Variants in CCNY observed in about 807,000 individuals in gnomAD.
CCNY encodes cyclin-Y.
Under a neutral mutation model 42.8 loss-of-function variants are expected in CCNY, and 19 were observed. That is an observed-to-expected ratio of 0.44 (90% CI 0.31 to 0.65). The LOEUF (loss-of-function observed/expected upper bound fraction) is 0.65, where lower values mean the gene tolerates loss of function less well. Among genes scored for constraint, CCNY ranks in the 30% least tolerant of loss-of-function variants. CCNY has a pLI of 0.07. For missense variants in CCNY, 370 were observed against 437.3 expected (o/e 0.85, Z 1.37); for synonymous variants, 165 against 162.7 (o/e 1.01, Z -0.11).
chr10:35,540,096 A>G (rs1358006929), intron 7 of CCNY, among the ~76,000 whole-genome samples: 2 of 152,182 alleles, frequency 1.3e-5, no homozygotes, highest in African/African-American at 4.8e-5. Context: ...TAGTACCTCT[A>G]GTAAAGTGTT....
chr10:35,337,176 G>A lies in CCNY; in HGVS notation c.123G>A (p.Leu41=). ...DLSREDTGCN[L]QHISDRENID... ...GCCGCGAGGACACGGGCTGCAACCT[G>A]CAGCACATCAGCGACCGGGAGAACA... Residue 41 remains leucine (L), a synonymous_variant, in exon 1 of 10, where the codon CTG becomes CTA. Transcript: ENST00000374704. 2 of 1,570,650 alleles carry A rather than the reference G, an allele frequency of 1.3e-6. No individual in the cohort carries two copies. The highest frequency in any genetic ancestry group is 1.7e-6 in the Non-Finnish European group (2 of 1,160,308).
intron 2 of CCNY, among the ~76,000 whole-genome samples, chr10:35,486,189 CCTCTT>C (rs1322735845): frequency 6.6e-6 from 1 of 152,198 alleles, no homozygotes; most frequent in Non-Finnish European, 1.5e-5. Flanking sequence ...CGTAGACTCT[CCTCTT>C]CTCACAGGTG....
At chr10:35,302,264 T>C (rs568732725) in intron 3 of CCNY, among the ~76,000 whole-genome samples, 1 of 151,750 alleles carries the variant, frequency 6.6e-6, no homozygotes, top group South Asian at 2.1e-4. Flanking sequence ...CCCATCCTCA[T>C]TGCTATTTTT....
intron 1 of CCNY, among the ~76,000 whole-genome samples, chr10:35,367,640 A>G (rs1836837524): frequency 6.6e-6 from 1 of 152,222 alleles, no homozygotes; most frequent in Non-Finnish European, 1.5e-5. Flanking sequence ...CCGCCATAGA[A>G]GTCACTTTGT....
chr10:35,560,586 C>T (rs1398168846), intron 8 of CCNY, among the ~76,000 whole-genome samples: 3 of 152,102 alleles, frequency 2.0e-5, no homozygotes, highest in African/African-American at 7.2e-5. Context: ...GGAAAAAATT[C>T]CCGTTGTTTA....
chr10:35,341,086 A>G (rs1769128838), intron 1 of CCNY, among the ~76,000 whole-genome samples: 1 of 152,188 alleles, frequency 6.6e-6, no homozygotes. Context: ...TCCTTCACTC[A>G]AAAACGGCAG....
intron 1 of CCNY, among the ~76,000 whole-genome samples, chr10:35,401,407 C>T (rs1197811063): frequency 5.3e-5 from 8 of 152,242 alleles, no homozygotes; most frequent in South Asian, 2.1e-4. Context: ...AACACTTTGC[C>T]GTCCAGTTCT....
At chr10:35,400,039 G>C (rs1837610350) in intron 1 of CCNY, among the ~76,000 whole-genome samples, 1 of 151,816 alleles carries the variant, frequency 6.6e-6, no homozygotes, top group Non-Finnish European at 1.5e-5. Flanking sequence ...CTCAGAGAAG[G>C]GACATGCAAT....
intron 1 of CCNY, among the ~76,000 whole-genome samples, chr10:35,402,483 T>C (rs538920270): frequency 6.6e-6 from 1 of 152,162 alleles, no homozygotes; most frequent in Non-Finnish European, 1.5e-5. Flanking sequence ...CCAGATTGAT[T>C]TAGGTAAAAA....
chr10:35,535,320 C>G (rs1679338267), intron 7 of CCNY, among the ~76,000 whole-genome samples: 1 of 151,990 alleles, frequency 6.6e-6, no homozygotes, highest in Non-Finnish European at 1.5e-5. Flanking sequence ...CAGTAGATAA[C>G]CTCAAGGAGC....
chr10:35,445,025 A>G (rs958502422), intron 1 of CCNY, among the ~76,000 whole-genome samples: 4 of 152,200 alleles, frequency 2.6e-5, no homozygotes, highest in African/African-American at 4.8e-5. Context: ...CAGTGGTGCC[A>G]TTAACTCAGT....
At chr10:35,392,370 A>G (rs947379441) in intron 1 of CCNY, among the ~76,000 whole-genome samples, 24 of 152,246 alleles carry the variant, frequency 1.6e-4, no homozygotes, top group African/African-American at 5.1e-4. Flanking sequence ...AGAGTGACCC[A>G]GGCCAGGCTT....
At chr10:35,484,848 A>G (rs185687526) in intron 2 of CCNY, among the ~76,000 whole-genome samples, 28 of 152,356 alleles carry the variant, frequency 1.8e-4, no homozygotes, top group South Asian at 4.1e-4. Flanking sequence ...AGATGTGCTA[A>G]CAAGATTCCC....
intron 1 of CCNY, among the ~76,000 whole-genome samples, chr10:35,367,264 G>C (rs562333032): frequency 6.6e-6 from 1 of 151,996 alleles, no homozygotes; most frequent in East Asian, 1.9e-4. Flanking sequence ...CCTTATGACT[G>C]TATAGTATTC....
Position 35,482,749 on chromosome 10 carries a change from G to GGTGTGTGTGTGTGT in CCNY, c.155-616_155-603dup, listed in dbSNP as rs56033862. Among the ~76,000 whole-genome samples the GGTGTGTGTGTGTGT allele has an allele frequency of 1.9e-3, 241 of 128,930 alleles. 3 individuals carry two copies. Among genetic ancestry groups the GGTGTGTGTGTGTGT allele is most frequent in the East Asian group, 0.011 (47 of 4,256 alleles). 84.6% of individuals were successfully genotyped at this position (128,930 alleles called of 152,430 possible). On this transcript the variant is annotated intron_variant, in intron 1 of 9. Transcript: ENST00000374704. ...GATTTCTCAAGGGAAGCTGGAAATA[G>GGTGTGTGTGTGTGT]GTGTGTGTGTGTGTGTGTGTGTGTG...
Position 35,430,876 on chromosome 10 carries a change from C to T in CCNY, c.155-52528C>T, listed in dbSNP as rs988633355. 3.9e-5 allele frequency among the ~76,000 whole-genome samples: 6 copies of T among 152,078 alleles called. No homozygotes were observed. The East Asian group carries it at 5.8e-4, about 15-fold the overall frequency. On this transcript the variant is annotated intron_variant, in intron 1 of 9. Coordinates refer to ENST00000374704, the MANE Select transcript of CCNY (RefSeq NM_145012.6). ...CTGTAATCCCAGCACTTTGGGAGGC[C>T]GATCACGATCCGCGGGTGGATCACA... is the stretch of plus-strand genomic sequence containing the variant.
intron 1 of CCNY, among the ~76,000 whole-genome samples, chr10:35,447,409 C>T (rs1258120880): frequency 1.3e-5 from 2 of 152,146 alleles, no homozygotes; most frequent in African/African-American, 4.8e-5. Context: ...AGCCAGAGAG[C>T]AATTTTTATT....
chr10:35,504,393 A>C (rs1840173820), intron 3 of CCNY, among the ~76,000 whole-genome samples: 1 of 152,066 alleles, frequency 6.6e-6, no homozygotes, highest in African/African-American at 2.4e-5. Flanking sequence ...CAGGCTGGAA[A>C]ATGAGAGGGG....
At chr10:35,390,571 A>T (rs1166413379) in intron 1 of CCNY, among the ~76,000 whole-genome samples, 3 of 151,978 alleles carry the variant, frequency 2.0e-5, no homozygotes, top group Non-Finnish European at 4.4e-5. Context: ...CACCTGATAA[A>T]AGGGCTCCCT....
Sources: gnomAD v4.1 joint callset for allele counts (sites outside exome capture counted in the v4.1 genomes callset) on GRCh38, gnomAD v4.1.1 for gene constraint, MANE v1.5 for transcripts, NCBI Gene and HGNC (gene_info 2026-07-23, HGNC 2026-07-21) for gene names.